The following MCPH1 variants were observed in gnomAD, a reference collection of about 807,000 sequenced individuals.
The protein encoded by MCPH1 is microcephalin 1.
In MCPH1, 104 loss-of-function variants were observed where a neutral mutation model predicts 84.5. That is an observed-to-expected ratio of 1.23 (90% CI 1.05 to 1.45). The LOEUF (loss-of-function observed/expected upper bound fraction) is 1.45, where lower values mean the gene tolerates loss of function less well. Among genes scored for constraint, MCPH1 ranks in the 40% most tolerant of loss-of-function variants. The probability of loss-of-function intolerance (pLI) is 0.00; values close to 1 mark genes in which losing one functional copy is unlikely to be tolerated. For missense variants in MCPH1, 1,498 were observed against 1,005.7 expected, an observed-to-expected ratio of 1.49 and a Z score of -6.62; for synonymous variants, 514 against 366.8, an observed-to-expected ratio of 1.40 and a Z score of -4.58.
intron 12 of MCPH1, chr8:6,532,574 T>TAA (rs10662997): frequency 0.1 from 58,543 of 577,756 alleles, 1,297 homozygotes; most frequent in African/African-American, 0.21. Flanking sequence ...TCCCTATCTT[T>TAA]AAAAAAAAAA....
At chr8:6,407,965 C>G (rs1402120262) in intron 1 of MCPH1, among the ~76,000 whole-genome samples, 1 of 152,110 alleles carries the variant, frequency 6.6e-6, no homozygotes, top group African/African-American at 2.4e-5. Context: ...CAGGCCGGCC[C>G]GTTAATATAT....
In MCPH1 at chr8:6,648,318, G is replaced by C. The variant is rs905124723; in HGVS notation, c.*5269G>C. The C allele has an allele frequency of 6.6e-6, 1 of 152,244 alleles. No homozygotes were observed. Among genetic ancestry groups the C allele is most frequent in the African/African-American group, 2.4e-5 (1 of 41,444 alleles). 9.4% of individuals were successfully genotyped at this position (152,244 alleles called of 1,614,324 possible). A position where few individuals can be genotyped will look rare whatever the true frequency, so the allele number is the denominator to read the frequency against. ...TTCTACCCACTTTTATTTTTCCCAGGAGTCACGCTTAGTCATCTCTTGCTC... is the reference window on the plus strand; with the variant it reads ...TTCTACCCACTTTTATTTTTCCCAGCAGTCACGCTTAGTCATCTCTTGCTC... On this transcript the variant is annotated 3_prime_UTR_variant, in exon 14 of 14. Transcript: ENST00000344683.
At chr8:6,471,499 A>C (rs1024744782) in intron 9 of MCPH1, among the ~76,000 whole-genome samples, 3 of 152,202 alleles carry the variant, frequency 2.0e-5, no homozygotes, top group African/African-American at 7.2e-5. Context: ...AGCACAGTCG[A>C]CTGAATTGTT....
intron 13 of MCPH1, among the ~76,000 whole-genome samples, chr8:6,637,605 C>T (rs1008101103): frequency 2.4e-4 from 37 of 152,124 alleles, no homozygotes; most frequent in Non-Finnish European, 2.6e-4. Context: ...AGTCACAGAA[C>T]GATTTTAAGT....
intron 3 of MCPH1, among the ~76,000 whole-genome samples, chr8:6,429,559 C>T (rs1426895832): frequency 6.6e-6 from 1 of 151,986 alleles, no homozygotes; most frequent in East Asian, 1.9e-4. Flanking sequence ...ATTTCATTTC[C>T]CCAGACAGCT....
At chr8:6,408,121 G>T (rs1797999358) in intron 1 of MCPH1, among the ~76,000 whole-genome samples, 1 of 152,128 alleles carries the variant, frequency 6.6e-6, no homozygotes, top group South Asian at 2.1e-4. Flanking sequence ...AAGAATTTGG[G>T]GAAAGCAACT....
At chr8:6,417,688 C>A (rs538029246) in intron 3 of MCPH1, among the ~76,000 whole-genome samples, 1 of 151,872 alleles carries the variant, frequency 6.6e-6, no homozygotes, top group African/African-American at 2.4e-5. Flanking sequence ...GATTTCTCAC[C>A]TTTGGTTTTC....
chr8:6,577,115 G>C (rs932833053), intron 12 of MCPH1, among the ~76,000 whole-genome samples: 2 of 152,184 alleles, frequency 1.3e-5, no homozygotes, highest in African/African-American at 4.8e-5. Flanking sequence ...CTGCTGCACA[G>C]GAGGCCAGGG....
intron 9 of MCPH1, among the ~76,000 whole-genome samples, chr8:6,465,624 C>T (rs759297489): frequency 6.6e-6 from 1 of 152,138 alleles, no homozygotes; most frequent in South Asian, 2.1e-4. Flanking sequence ...TCTTCTGGAA[C>T]TGCGACAGCG....
intron 3 of MCPH1, among the ~76,000 whole-genome samples, chr8:6,418,782 A>G (rs113156211): frequency 0.044 from 6,722 of 151,996 alleles, 310 homozygotes; most frequent in African/African-American, 0.12. Flanking sequence ...GGGTTTCACC[A>G]TGTTGGCCAG....
At chr8:6,496,164 A>G (rs987460780) in intron 11 of MCPH1, among the ~76,000 whole-genome samples, 1 of 152,178 alleles carries the variant, frequency 6.6e-6, no homozygotes, top group African/African-American at 2.4e-5. Context: ...TTCTGCAACT[A>G]GACAGTCCCA....
chr8:6,636,739 G>C lies in MCPH1; in HGVS notation c.2453-6255G>C, dbSNP rs1421882607. Among the ~76,000 whole-genome samples the C allele has an allele frequency of 2.6e-5, 4 of 152,212 alleles. No individual in the cohort carries two copies. The East Asian group carries it at 7.7e-4, about 29-fold the overall frequency. On this transcript the variant is annotated intron_variant, in intron 13 of 13. Transcript: ENST00000344683. ...GCAGATGAAACATAAATGAATTTTGGTTTTAGACTCTGGTCCTATCTTCAA... is the reference window on the plus strand; with the variant it reads ...GCAGATGAAACATAAATGAATTTTGCTTTTAGACTCTGGTCCTATCTTCAA...
At chr8:6,590,296 G>A (rs1828353316) in intron 12 of MCPH1, among the ~76,000 whole-genome samples, 1 of 152,206 alleles carries the variant, frequency 6.6e-6, no homozygotes, top group South Asian at 2.1e-4. Context: ...AGGATGGAGT[G>A]GAGGGAATGT....
chr8:6,505,249 C>CTTTTGTATATATAGAATATATATATATTT (rs1813125481), intron 12 of MCPH1, among the ~76,000 whole-genome samples: 1 of 16,450 alleles, frequency 6.1e-5, no homozygotes, highest in Admixed American at 9.4e-4. Context: ...AATATATATT[C>CTTTTGTATATATAGAATATATATATATTT]TTTATATATG....
intron 12 of MCPH1, among the ~76,000 whole-genome samples, chr8:6,586,018 T>C (rs1586717184): frequency 6.6e-6 from 1 of 152,188 alleles, no homozygotes; most frequent in African/African-American, 2.4e-5. Flanking sequence ...TGGAGTGCAA[T>C]GATGTGAACA....
At chr8:6,550,388 A>G (rs919483447) in intron 12 of MCPH1, among the ~76,000 whole-genome samples, 1 of 152,212 alleles carries the variant, frequency 6.6e-6, no homozygotes, top group African/African-American at 2.4e-5. Flanking sequence ...CTGCACCCAG[A>G]CACGTGCGGT....
At chr8:6,476,712 A>G (rs936573833) in intron 9 of MCPH1, among the ~76,000 whole-genome samples, 3 of 152,210 alleles carry the variant, frequency 2.0e-5, no homozygotes, top group East Asian at 1.9e-4. Flanking sequence ...GGGTCCTTCA[A>G]ATGCCTTTTG....
rs865780761 is a variant in MCPH1, at chr8:6,505,898, C to G, written c.2214+5969C>G. Among the ~76,000 whole-genome samples, 30 of 107,692 alleles carry G rather than the reference C, an allele frequency of 2.8e-4. 1 individual carries two copies. The highest frequency in any genetic ancestry group is 4.7e-4 in the Non-Finnish European group (27 of 56,902). The allele number at this position is 107,692 out of a possible 152,430, so 70.7% of individuals were successfully genotyped here. A position where few individuals can be genotyped will look rare whatever the true frequency, so the allele number is the denominator to read the frequency against. On this transcript the variant is annotated intron_variant, in intron 12 of 13. Transcript: ENST00000344683. ...TTCTTTATATATGTATATATAAAAA[C>G]ATACATATTCTTTATATATGTATAT...
At position 6,643,054 on chromosome 8, in the gene MCPH1, G is replaced by T; in HGVS notation, c.*5G>T. The T allele has an allele frequency of 1.9e-6, 3 of 1,613,010 alleles. No individual in the cohort carries two copies. Among genetic ancestry groups the T allele is most frequent in the Non-Finnish European group, 2.5e-6 (3 of 1,179,062 alleles). The stretch of plus-strand genomic sequence containing the variant: ...AACTACCTATTGTCACAATGACAGT[G>T]ACCTCACTGGCCTGTGGTGACTGCA... On this transcript the variant is annotated 3_prime_UTR_variant, in exon 14 of 14. Coordinates refer to ENST00000344683, the MANE Select transcript of MCPH1 (RefSeq NM_024596.5).
Sources: allele counts gnomAD v4.1 joint callset (sites outside exome capture counted in the v4.1 genomes callset), GRCh38; gene constraint gnomAD v4.1.1; transcripts MANE v1.5; gene names NCBI Gene and HGNC (gene_info 2026-07-23, HGNC 2026-07-21).